The following OPCML variants were observed in gnomAD, a reference collection of about 807,000 sequenced individuals.
The protein encoded by OPCML is opioid binding protein/cell adhesion molecule like, also known as opioid-binding protein/cell adhesion molecule.
OPCML carries 13 observed loss-of-function variants against 37.8 expected under a neutral mutation model. The observed-to-expected ratio is 0.34, with a 90% CI of 0.22 to 0.55. The LOEUF (loss-of-function observed/expected upper bound fraction) is 0.55. OPCML is among the 20% of genes least tolerant of loss of function. The probability of loss-of-function intolerance (pLI) is 0.91; values close to 1 mark genes in which losing one functional copy is unlikely to be tolerated. For missense variants in OPCML, 341 were observed against 435.6 expected (o/e 0.78, Z 1.93); for synonymous variants, 176 against 168.8 (o/e 1.04, Z -0.33).
At chr11:132,488,047 T>C (rs2096205372) in intron 4 of OPCML, among the ~76,000 whole-genome samples, 1 of 152,210 alleles carries the variant, frequency 6.6e-6, no homozygotes, top group South Asian at 2.1e-4. Flanking sequence ...TCCTGCCATG[T>C]GCCTCTTTGC....
chr11:132,557,143 T>A (rs546716704), intron 3 of OPCML, among the ~76,000 whole-genome samples: 2 of 152,252 alleles, frequency 1.3e-5, no homozygotes, highest in South Asian at 4.1e-4. Context: ...ACAATACCAT[T>A]TTTACCTCTT....
chr11:133,028,399 A>T (rs1451990026), intron 1 of OPCML, among the ~76,000 whole-genome samples: 1 of 152,020 alleles, frequency 6.6e-6, no homozygotes, highest in Non-Finnish European at 1.5e-5. Flanking sequence ...CTTACAGGAA[A>T]CTTTCCGAGA....
rs377162401 is a variant in OPCML, at chr11:133,488,621, C to A, written c.61+43643G>T. Among the ~76,000 whole-genome samples the A allele has an allele frequency of 5.8e-4, 88 of 152,158 alleles. 3 individuals are homozygous for A. In the East Asian group the frequency reaches 0.015, roughly 25 times the overall value. On this transcript the variant is annotated intron_variant, in intron 1 of 7. Coordinates refer to ENST00000524381, the MANE Select transcript of OPCML (RefSeq NM_001012393.5). ...ACTAATAAATGGAAAAAATTCCATG[C>A]TTATAGATTGGAAGAATCATTACTG...
At chr11:133,137,668 A>G (rs1949712321) in intron 1 of OPCML, among the ~76,000 whole-genome samples, 1 of 152,196 alleles carries the variant, frequency 6.6e-6, no homozygotes, top group Non-Finnish European at 1.5e-5. Flanking sequence ...GAGACAGGCC[A>G]AGGTCCTGAT....
intron 2 of OPCML, among the ~76,000 whole-genome samples, chr11:132,754,975 GC>G (rs1302710303): frequency 6.6e-6 from 1 of 152,146 alleles, no homozygotes; most frequent in Non-Finnish European, 1.5e-5. Flanking sequence ...GCCTTGACAA[GC>G]TTTGTACCAC....
At chr11:132,527,271 C>A (rs777147868) in intron 4 of OPCML, among the ~76,000 whole-genome samples, 2 of 152,090 alleles carry the variant, frequency 1.3e-5, no homozygotes, top group Admixed American at 6.6e-5. Context: ...CTGGGTCGTA[C>A]GCTAAGTGTA....
intron 4 of OPCML, among the ~76,000 whole-genome samples, chr11:132,527,894 A>G (rs1276897121): frequency 1.3e-5 from 2 of 151,434 alleles, no homozygotes; most frequent in African/African-American, 4.8e-5. Flanking sequence ...GCATCTAGGA[A>G]GAGGGCCATG....
At chr11:132,669,213 T>TC (rs1942353109) in intron 2 of OPCML, among the ~76,000 whole-genome samples, 1 of 151,868 alleles carries the variant, frequency 6.6e-6, no homozygotes, top group South Asian at 2.1e-4. Context: ...TACTGCTCAG[T>TC]CTAGAAGAAC....
chr11:132,868,774 T>C (rs749521929), intron 2 of OPCML, among the ~76,000 whole-genome samples: 1 of 152,166 alleles, frequency 6.6e-6, no homozygotes, highest in Non-Finnish European at 1.5e-5. Context: ...GATGCTGCCG[T>C]TACTAATAGG....
At chr11:132,560,584 T>C (rs559585432) in intron 3 of OPCML, among the ~76,000 whole-genome samples, 1 of 152,186 alleles carries the variant, frequency 6.6e-6, no homozygotes, top group Non-Finnish European at 1.5e-5. Flanking sequence ...TTAGCTCCCA[T>C]TTATGAGTGA....
intron 1 of OPCML, among the ~76,000 whole-genome samples, chr11:133,285,164 G>C: frequency 6.6e-6 from 1 of 152,184 alleles, no homozygotes; most frequent in Non-Finnish European, 1.5e-5. Flanking sequence ...TTAGAGGGGT[G>C]AGTCAAGCAA....
At chr11:132,935,890 G>T (rs999865462) in intron 2 of OPCML, among the ~76,000 whole-genome samples, 3 of 152,112 alleles carry the variant, frequency 2.0e-5, no homozygotes, top group Non-Finnish European at 4.4e-5. Context: ...ACCGGCTCAC[G>T]TTGTCTTAGG....
chr11:133,008,020 T>C (rs1457218431), intron 1 of OPCML: 10 of 985,350 alleles, frequency 1.0e-5, no homozygotes, highest in Non-Finnish European at 1.2e-5. Context: ...AGGTGCTGTG[T>C]CAAGAGAGCT....
At chr11:132,777,199 C>T (rs1946837209) in intron 2 of OPCML, among the ~76,000 whole-genome samples, 1 of 152,112 alleles carries the variant, frequency 6.6e-6, no homozygotes, top group South Asian at 2.1e-4. Flanking sequence ...TATTTGTGTT[C>T]TAAGAAAAAG....
chr11:132,891,814 G>T (rs1445848591), intron 2 of OPCML, among the ~76,000 whole-genome samples: 4 of 152,352 alleles, frequency 2.6e-5, no homozygotes, highest in African/African-American at 4.8e-5. Context: ...CTGCATGAAA[G>T]AAATTCTCTT....
chr11:133,295,539 A>G (rs1036199724), intron 1 of OPCML, among the ~76,000 whole-genome samples: 3 of 152,210 alleles, frequency 2.0e-5, no homozygotes, highest in African/African-American at 7.2e-5. Context: ...AAACATCTTC[A>G]GGGAAAAACA....
intron 1 of OPCML, among the ~76,000 whole-genome samples, chr11:132,949,898 A>T (rs1372441846): frequency 6.6e-6 from 1 of 152,218 alleles, no homozygotes; most frequent in Non-Finnish European, 1.5e-5. Context: ...ATACATTAAG[A>T]AAAGGTGTGA....
chr11:132,718,567 T>C (rs1191219643), intron 2 of OPCML, among the ~76,000 whole-genome samples: 1 of 152,162 alleles, frequency 6.6e-6, no homozygotes, highest in African/African-American at 2.4e-5. Flanking sequence ...CTGTTTCTTC[T>C]GTGTCCCTGC....
At chr11:132,455,291 G>T (rs1565577003) in intron 4 of OPCML, among the ~76,000 whole-genome samples, 2 of 152,168 alleles carry the variant, frequency 1.3e-5, no homozygotes, top group Admixed American at 1.3e-4. Flanking sequence ...TGGCTGCTTA[G>T]CCTGAGAGAA....
Sources: gnomAD v4.1 joint callset for allele counts (sites outside exome capture counted in the v4.1 genomes callset) on GRCh38, gnomAD v4.1.1 for gene constraint, MANE v1.5 for transcripts, NCBI Gene and HGNC (gene_info 2026-07-23, HGNC 2026-07-21) for gene names.